Variants in CFAP36 observed in about 807,000 individuals in gnomAD.
CFAP36 encodes the protein cilia- and flagella-associated protein 36.
CFAP36 carries 37 observed loss-of-function variants against 50.5 expected under a neutral mutation model. The observed-to-expected ratio is 0.73, with a 90% CI of 0.56 to 0.96. The LOEUF (loss-of-function observed/expected upper bound fraction) is 0.96. CFAP36 is among the 50% of genes least tolerant of loss of function. The pLI is 0.00. For missense variants in CFAP36, 407 were observed against 396.2 expected (o/e 1.03, Z -0.23); for synonymous variants, 138 against 128.2 (o/e 1.08, Z -0.52).
Position 55,534,010 on chromosome 2 carries a change from A to G in CFAP36, c.485+50A>G. 9.0e-7 allele frequency: 1 copy of G among 1,105,930 alleles called. No individual in the cohort carries two copies. Among genetic ancestry groups the G allele is most frequent in the Non-Finnish European group, 1.3e-6 (1 of 740,870 alleles). The allele number at this position is 1,105,930 out of a possible 1,614,324, so 68.5% of individuals were successfully genotyped here. A position where few individuals can be genotyped will look rare whatever the true frequency, so the allele number is the denominator to read the frequency against. On this transcript the variant is annotated intron_variant, in intron 5 of 9. Coordinates refer to ENST00000349456, the MANE Select transcript of CFAP36 (RefSeq NM_080667.7). Reference sequence around the variant, plus strand: ...AATGAATCATTATTAATATTATATGATCTGTACATATGCTTTTTGCCCAAC... The same window carrying G: ...AATGAATCATTATTAATATTATATGGTCTGTACATATGCTTTTTGCCCAAC...
At chr2:55,532,944 G>T (rs186157446) in intron 4 of CFAP36, among the ~76,000 whole-genome samples, 97 of 152,160 alleles carry the variant, frequency 6.4e-4, no homozygotes, top group African/African-American at 1.9e-3. Flanking sequence ...TATTTTCTTG[G>T]GCTCAAGTTG....
Position 55,533,978 on chromosome 2 carries a change from T to C in CFAP36, c.485+18T>C, listed in dbSNP as rs760539288. ...GTTCTTAGGTACCATTCTTTAATTG[T>C]TTTTTAAATGAATCATTATTAATAT... On this transcript the variant is annotated intron_variant, in intron 5 of 9. Coordinates refer to ENST00000349456, the MANE Select transcript of CFAP36 (RefSeq NM_080667.7). The C allele has an allele frequency of 1.1e-5, 16 of 1,435,932 alleles. No homozygotes were observed. The African/African-American group carries it at 2.3e-4, about 20-fold the overall frequency. The allele number at this position is 1,435,932 out of a possible 1,614,324, so 88.9% of individuals were successfully genotyped here.
Position 55,528,912 on chromosome 2 carries a change from T to TC in CFAP36, c.317_318insC (p.Thr107TyrfsTer4), listed in dbSNP as rs1447722630. ...CAACCTGTGTTGGCAGCAGAAGATT[T>TC]TACTATCTTTAAAGCAATGATGGTC... On this transcript the variant is annotated frameshift_variant, in exon 4 of 10. Transcript: ENST00000349456. LOFTEE classifies it high-confidence loss of function. 1 of 1,610,414 alleles carries TC rather than the reference T, an allele frequency of 6.2e-7. No individual in the cohort carries two copies.
intron 3 of CFAP36, among the ~76,000 whole-genome samples, chr2:55,526,162 C>T (rs1161685715): frequency 1.3e-5 from 2 of 152,234 alleles, no homozygotes; most frequent in South Asian, 2.1e-4. Context: ...ATTTTTGTTA[C>T]TCTGCCTTGA....
In CFAP36 at chr2:55,520,328, G is replaced by T. The variant is rs1221400753; in HGVS notation, c.115+412G>T. 4 of 1,295,824 alleles carry T rather than the reference G, an allele frequency of 3.1e-6. No individual in the cohort carries two copies. In the East Asian group the frequency reaches 1.1e-4, roughly 34 times the overall value. 80.3% of individuals were successfully genotyped at this position (1,295,824 alleles called of 1,614,324 possible). ...AGAGGAGAAGCGTCGGTTTACCTGA[G>T]TTCCTTATGATCCCTAGCATTTCGC... On this transcript the variant is annotated intron_variant, in intron 1 of 9. Transcript: ENST00000349456.
At chr2:55,527,497 G>A (rs1172612870) in intron 3 of CFAP36, among the ~76,000 whole-genome samples, 4 of 152,186 alleles carry the variant, frequency 2.6e-5, no homozygotes, top group East Asian at 3.9e-4. Context: ...CAAGAGAATC[G>A]CTTGAACCTG....
At chr2:55,520,001 C>T in intron 1 of CFAP36, 85 bp downstream of exon 1, 1 of 1,225,042 alleles carries the variant, frequency 8.2e-7, no homozygotes, top group South Asian at 1.3e-5. Flanking sequence ...CAAGCCATCT[C>T]TCGTCTCCCC....
intron 7 of CFAP36, chr2:55,538,851 A>C: frequency 6.6e-7 from 1 of 1,525,522 alleles, no homozygotes; most frequent in Non-Finnish European, 8.8e-7. Flanking sequence ...CTGACACTAA[A>C]TATATTCTTC....
chr2:55,528,234 T>G (rs1000430924), intron 3 of CFAP36, among the ~76,000 whole-genome samples: 1 of 150,048 alleles, frequency 6.7e-6, no homozygotes, highest in Admixed American at 6.6e-5. Context: ...TAAAGTATTA[T>G]ATTTTATAGA....
At chr2:55,524,338 C>T (rs953943247) in intron 3 of CFAP36, among the ~76,000 whole-genome samples, 3 of 151,890 alleles carry the variant, frequency 2.0e-5, no homozygotes, top group Middle Eastern at 7.0e-3. Flanking sequence ...ATTATAGGCT[C>T]AACATCCCTG....
intron 3 of CFAP36, among the ~76,000 whole-genome samples, chr2:55,527,791 A>G (rs1030961020): frequency 6.6e-6 from 1 of 152,074 alleles, no homozygotes; most frequent in Non-Finnish European, 1.5e-5. Context: ...CTGCTCTCAG[A>G]CCACAACATA....
At position 55,519,906 on chromosome 2, in the gene CFAP36, G is replaced by A. The variant is rs1313562165; in HGVS notation, c.105G>A (p.Gln35=). The part of the protein sequence containing the change: ...WSIPILDFVE[Q]KCEVFDDEEE... ...TCCCCATCTTGGACTTTGTGGAACA[G>A]AAATGTGAAGGTAAAAACCAGAGCC... Residue 35 remains glutamine, a synonymous_variant, in exon 1 of 10, where the codon CAG becomes CAA. Coordinates refer to ENST00000349456, the MANE Select transcript of CFAP36 (RefSeq NM_080667.7). 1.2e-6 allele frequency: 2 copies of A among 1,614,170 alleles called. No homozygotes were observed. Among genetic ancestry groups the A allele is most frequent in the South Asian group, 1.1e-5 (1 of 91,080 alleles).
Position 55,544,321 on chromosome 2 carries a change from A to G in CFAP36, c.879A>G (p.Lys293=). Residue 293 remains lysine, a synonymous_variant, in exon 9 of 10, where the codon AAA becomes AAG. Transcript: ENST00000349456. ...CCATGAGAAAGGATATGAGGACTAA[A>G]CAGATACAAAATATGGAGCAGAAAG... ...LMSMRKDMRT[K]QIQNMEQKGK... 6.2e-7 allele frequency: 1 copy of G among 1,613,962 alleles called. No individual in the cohort carries two copies. Among genetic ancestry groups the G allele is most frequent in the East Asian group, 2.2e-5 (1 of 44,848 alleles).
intron 6 of CFAP36, among the ~76,000 whole-genome samples, chr2:55,537,230 G>T (rs1370438135): frequency 6.6e-6 from 1 of 152,096 alleles, no homozygotes; most frequent in East Asian, 1.9e-4. Flanking sequence ...AATTAGCCGA[G>T]CGTGGTAGTG....
intron 4 of CFAP36, 150 bp downstream of exon 4, chr2:55,529,142 C>CT (rs1684287036): frequency 3.2e-6 from 2 of 619,770 alleles, no homozygotes; most frequent in Non-Finnish European, 5.5e-6. Context: ...GAGTATATGG[C>CT]TGGGTGCAGT....
chr2:55,544,196 AGC>A (rs1467669433), intron 8 of CFAP36, 22 bp from the exon 9 acceptor site: 6 of 1,607,842 alleles, frequency 3.7e-6, no homozygotes, highest in Non-Finnish European at 5.1e-6. Flanking sequence ...GAATTTAGAT[AGC>A]TCCTTTTCTT....
intron 1 of CFAP36, 134 bp downstream of exon 1, chr2:55,520,050 C>T (rs1684017127): frequency 1.3e-6 from 1 of 744,046 alleles, no homozygotes; most frequent in Non-Finnish European, 2.2e-6. Context: ...GTCTCGTTCC[C>T]CTCACCACCT....
chr2:55,526,768 TC>T (rs1684218407), intron 3 of CFAP36, among the ~76,000 whole-genome samples: 1 of 152,080 alleles, frequency 6.6e-6, no homozygotes. Context: ...ATACCTGTAA[TC>T]CCAATGCTTT....
chr2:55,531,011 C>T (rs1396504626), intron 4 of CFAP36: 1 of 152,152 alleles, frequency 6.6e-6, no homozygotes, highest in Non-Finnish European at 1.5e-5. Flanking sequence ...TGAGTAGAGA[C>T]TCTTAGAGCC....
Sources: gnomAD v4.1 joint callset for allele counts (sites outside exome capture counted in the v4.1 genomes callset) on GRCh38, gnomAD v4.1.1 for gene constraint, MANE v1.5 for transcripts, NCBI Gene and HGNC (gene_info 2026-07-23, HGNC 2026-07-21) for gene names.